The following ESRRG variants were observed in gnomAD, a reference collection of about 807,000 sequenced individuals.
The protein encoded by ESRRG is estrogen related receptor gamma.
Under a neutral mutation model 44.0 loss-of-function variants are expected in ESRRG, and 13 were observed. The observed-to-expected ratio is 0.30, with a 90% CI of 0.19 to 0.47. ESRRG has a LOEUF of 0.47. Among genes scored for constraint, ESRRG ranks in the 20% least tolerant of loss-of-function variants. The pLI, the probability that ESRRG is intolerant of heterozygous loss-of-function variation, is 1.00. For missense variants in ESRRG, 395 were observed against 580.6 expected (o/e 0.68, Z 3.29); for synonymous variants, 215 against 214.6 (o/e 1.00, Z -0.02).
Position 216,519,132 on chromosome 1 carries a change from G to T in ESRRG, c.1132+20C>A. ...GACATATTAAAAAAAATGTAACAAT[G>T]ACTATGTCAGTATGCCAACCTGAAT... On this transcript the variant is annotated intron_variant, in intron 6 of 6. Coordinates refer to ENST00000408911, the MANE Select transcript of ESRRG (RefSeq NM_001438.4). 1 of 1,605,620 alleles carries T rather than the reference G, an allele frequency of 6.2e-7. No individual in the cohort carries two copies. Among genetic ancestry groups the T allele is most frequent in the Non-Finnish European group, 8.5e-7 (1 of 1,174,342 alleles).
chr1:216,842,838 T>G (rs1441778377), intron 2 of ESRRG, among the ~76,000 whole-genome samples: 1 of 152,224 alleles, frequency 6.6e-6, no homozygotes, highest in Non-Finnish European at 1.5e-5. Flanking sequence ...ACTGCTTTAT[T>G]GCCTCATGTG....
At chr1:216,555,613 T>C (rs562637832) in intron 5 of ESRRG, among the ~76,000 whole-genome samples, 1 of 152,218 alleles carries the variant, frequency 6.6e-6, no homozygotes, top group Admixed American at 6.5e-5. Flanking sequence ...TGCTTTTAAA[T>C]GACTGTATTC....
intron 2 of ESRRG, among the ~76,000 whole-genome samples, chr1:216,850,425 A>G (rs1007407977): frequency 2.6e-5 from 4 of 152,088 alleles, no homozygotes; most frequent in Non-Finnish European, 5.9e-5. Flanking sequence ...AAGTTTATTA[A>G]CACTTGCATT....
intron 2 of ESRRG, among the ~76,000 whole-genome samples, chr1:216,659,661 C>T (rs1372267597): frequency 2.6e-5 from 4 of 152,148 alleles, no homozygotes; most frequent in Non-Finnish European, 2.9e-5. Context: ...TTTCCTATTG[C>T]TCCTCTCTAT....
chr1:216,920,941 C>T (rs1222948047), intron 2 of ESRRG, among the ~76,000 whole-genome samples: 1 of 152,148 alleles, frequency 6.6e-6, no homozygotes, highest in African/African-American at 2.4e-5. Flanking sequence ...CAGAGTTGGG[C>T]AGCAGAACTA....
At chr1:217,132,784 A>T (rs1305792072) in intron 1 of ESRRG, among the ~76,000 whole-genome samples, 1 of 152,038 alleles carries the variant, frequency 6.6e-6, no homozygotes, top group East Asian at 1.9e-4. Flanking sequence ...GTTACAGGTC[A>T]CAGATCTGAA....
At chr1:217,088,712 A>C (rs1558245964) in intron 1 of ESRRG, among the ~76,000 whole-genome samples, 2 of 151,846 alleles carry the variant, frequency 1.3e-5, no homozygotes, top group African/African-American at 2.4e-5. Flanking sequence ...GCTCATTAAG[A>C]TTCTGAAAGG....
chr1:216,831,170 G>A (rs934138625), intron 2 of ESRRG, among the ~76,000 whole-genome samples: 3 of 152,114 alleles, frequency 2.0e-5, no homozygotes, highest in African/African-American at 7.2e-5. Context: ...GGGGAAGGAG[G>A]AGGAGGAGTT....
chr1:216,604,754 T>G (rs1196884946), intron 3 of ESRRG, among the ~76,000 whole-genome samples: 1 of 152,226 alleles, frequency 6.6e-6, no homozygotes, highest in African/African-American at 2.4e-5. Context: ...CTAACCACCC[T>G]GCATACATTC....
intron 2 of ESRRG, among the ~76,000 whole-genome samples, chr1:216,753,963 C>A (rs2092275397): frequency 6.6e-6 from 1 of 152,010 alleles, no homozygotes; most frequent in Admixed American, 6.6e-5. Flanking sequence ...TTGTTCTGCT[C>A]AGCTGTGACT....
chr1:216,581,383 CATAGAG>C (rs1306019081), intron 3 of ESRRG, among the ~76,000 whole-genome samples: 1 of 152,216 alleles, frequency 6.6e-6, no homozygotes, highest in East Asian at 1.9e-4. Flanking sequence ...GGGGTACATA[CATAGAG>C]ATAAACATAA....
intron 2 of ESRRG, among the ~76,000 whole-genome samples, chr1:216,769,115 C>T (rs1240167351): frequency 6.6e-6 from 1 of 151,830 alleles, no homozygotes; most frequent in East Asian, 1.9e-4. Flanking sequence ...ACCTCAGAAG[C>T]CAGCTTAGGA....
chr1:216,904,078 T>G (rs2059408179), intron 2 of ESRRG, among the ~76,000 whole-genome samples: 1 of 152,132 alleles, frequency 6.6e-6, no homozygotes, highest in Non-Finnish European at 1.5e-5. Flanking sequence ...GCAGGGTTGC[T>G]GTACGTATTA....
intron 2 of ESRRG, among the ~76,000 whole-genome samples, chr1:216,897,388 T>C (rs190355850): frequency 6.6e-6 from 1 of 152,174 alleles, no homozygotes; most frequent in Admixed American, 6.5e-5. Flanking sequence ...CTGAGAGATC[T>C]GGATTAAACA....
At chr1:217,129,983 C>T (rs900753946) in intron 1 of ESRRG, among the ~76,000 whole-genome samples, 2 of 151,984 alleles carry the variant, frequency 1.3e-5, no homozygotes, top group African/African-American at 4.8e-5. Context: ...GTGAAGTTTA[C>T]CTCATTAAAA....
intron 2 of ESRRG, among the ~76,000 whole-genome samples, chr1:216,844,390 G>A (rs1161884695): frequency 2.0e-5 from 3 of 152,186 alleles, no homozygotes; most frequent in Non-Finnish European, 4.4e-5. Context: ...GCATCACTGC[G>A]TCAAACCTCC....
At chr1:216,669,753 G>T (rs958280072) in intron 2 of ESRRG, among the ~76,000 whole-genome samples, 2 of 152,146 alleles carry the variant, frequency 1.3e-5, no homozygotes. Flanking sequence ...AGGCTTGCTG[G>T]TGTGTGCCTG....
chr1:216,990,562 G>A (rs537024241), intron 1 of ESRRG, among the ~76,000 whole-genome samples: 42 of 152,106 alleles, frequency 2.8e-4, no homozygotes, highest in African/African-American at 9.9e-4. Flanking sequence ...GGCCACCCCT[G>A]AGACAGCAAA....
At chr1:216,783,119 CA>C (rs1205849392) in intron 2 of ESRRG, among the ~76,000 whole-genome samples, 2 of 151,764 alleles carry the variant, frequency 1.3e-5, no homozygotes, top group Admixed American at 1.3e-4. Flanking sequence ...TTCCATGGGG[CA>C]GGGGGATGAT....
Sources: gnomAD v4.1 joint callset for allele counts (sites outside exome capture counted in the v4.1 genomes callset) on GRCh38, gnomAD v4.1.1 for gene constraint, MANE v1.5 for transcripts, NCBI Gene and HGNC (gene_info 2026-07-23, HGNC 2026-07-21) for gene names.